The following TXLNB variants were observed in gnomAD, a reference collection of about 807,000 sequenced individuals.
TXLNB encodes the protein beta-taxilin.
A neutral mutation model predicts 57.4 loss-of-function variants in TXLNB; 37 were observed. The ratio of observed to expected loss-of-function variants is 0.64; its 90% CI spans 0.50 to 0.85. The LOEUF is 0.85. Among genes scored for constraint, TXLNB ranks in the 40% least tolerant of loss-of-function variants. The pLI, the probability that TXLNB is intolerant of heterozygous loss-of-function variation, is 0.00. For missense variants in TXLNB, 848 were observed against 825.6 expected, an observed-to-expected ratio of 1.03 and a Z score of -0.33; for synonymous variants, 302 against 309.6, an observed-to-expected ratio of 0.98 and a Z score of 0.26.
chr6:139,218,214 C>G, the TXLNB span, among the ~76,000 whole-genome samples: 2 of 152,090 alleles, frequency 1.3e-5, no homozygotes, highest in South Asian at 4.1e-4. Context: ...CTTACATAAG[C>G]AAGTACAAGT....
the TXLNB span, among the ~76,000 whole-genome samples, chr6:139,321,633 CTT>C: frequency 4.7e-5 from 4 of 84,344 alleles, no homozygotes; most frequent in Admixed American, 2.7e-4. Flanking sequence ...ACTACTCTCT[CTT>C]TTTTTTTTTT....
chr6:139,237,459 C>T (rs867908445), downstream of TXLNB: 2 of 146,578 alleles, frequency 1.4e-5, no homozygotes, highest in Non-Finnish European at 3.0e-5. Context: ...GAGTCAAGAT[C>T]GTACTACTGC....
At chr6:139,289,895 C>T (rs983030631) in intron 1 of TXLNB, among the ~76,000 whole-genome samples, 1 of 152,110 alleles carries the variant, frequency 6.6e-6, no homozygotes, top group African/African-American at 2.4e-5. Context: ...TCTATTTGAT[C>T]CATAAATCAA....
downstream of TXLNB, among the ~76,000 whole-genome samples, chr6:139,235,168 C>T (rs566399661): frequency 4.1e-4 from 62 of 152,232 alleles, no homozygotes; most frequent in African/African-American, 1.5e-3. Context: ...TGTTTTCACA[C>T]CCAAATGTTG....
chr6:139,168,704 G>A, the TXLNB span, among the ~76,000 whole-genome samples: 3 of 151,110 alleles, frequency 2.0e-5, no homozygotes, highest in African/African-American at 4.9e-5. Context: ...TTTTTTTCTC[G>A]GTTTATTCTC....
At chr6:139,165,494 A>T in the TXLNB span, among the ~76,000 whole-genome samples, 1 of 151,954 alleles carries the variant, frequency 6.6e-6, no homozygotes. Flanking sequence ...AATGACGTGT[A>T]TCTGCCATTA....
the TXLNB span, among the ~76,000 whole-genome samples, chr6:139,301,527 T>C: frequency 2.0e-4 from 30 of 152,314 alleles, no homozygotes; most frequent in African/African-American, 7.2e-4. Flanking sequence ...CCAGGAAATC[T>C]TCTATAGATG....
At chr6:139,312,578 T>C in the TXLNB span, among the ~76,000 whole-genome samples, 1 of 152,154 alleles carries the variant, frequency 6.6e-6, no homozygotes, top group Non-Finnish European at 1.5e-5. Flanking sequence ...CTGCATGATA[T>C]AGACTGAGGG....
intron 7 of TXLNB, among the ~76,000 whole-genome samples, chr6:139,254,315 T>TGTGTG: frequency 6.7e-6 from 1 of 150,122 alleles, no homozygotes; most frequent in Non-Finnish European, 1.5e-5. Context: ...TGAACACGAT[T>TGTGTG]TGTGTGTGTG....
At position 139,281,539 on chromosome 6, in the gene TXLNB, CTTTTTTTTTT is replaced by C. The variant is rs745650982; in HGVS notation, c.425-4628_425-4619del. On this transcript the variant is annotated intron_variant, in intron 2 of 9. Coordinates refer to ENST00000358430, the MANE Select transcript of TXLNB (RefSeq NM_153235.4). ...TCAGTAGGAGAGTGGATCTGGAGTT[CTTTTTTTTTT>C]TTTTTTTTTTTTTTTTTGAGACGGA... is the stretch of plus-strand genomic sequence containing the variant. 7.0e-5 allele frequency among the ~76,000 whole-genome samples: 4 copies of C among 57,448 alleles called. 1 individual carries two copies. The highest frequency in any genetic ancestry group is 5.4e-4 in the African/African-American group (4 of 7,368). 37.7% of individuals were successfully genotyped at this position (57,448 alleles called of 152,430 possible).
chr6:139,270,782 C>T (rs1776742353), intron 3 of TXLNB, among the ~76,000 whole-genome samples, 156 bp from the exon 4 acceptor site: 1 of 152,100 alleles, frequency 6.6e-6, no homozygotes, highest in South Asian at 2.1e-4. Flanking sequence ...ACAAACGTCA[C>T]CTTTGTAGTA....
the TXLNB span, among the ~76,000 whole-genome samples, chr6:139,196,123 A>G: frequency 6.6e-6 from 1 of 152,156 alleles, no homozygotes; most frequent in Non-Finnish European, 1.5e-5. Flanking sequence ...AAGACAAAAA[A>G]GGAAAGGAAT....
In TXLNB at chr6:139,282,406, G is replaced by A. The variant is rs1410573755; in HGVS notation, c.425-5485C>T. ...AGTCTGGCCAACACAGTGAAACCCCGTCTCTACTAAAAATATAAAAATTGG... is the reference window on the plus strand; with the variant it reads ...AGTCTGGCCAACACAGTGAAACCCCATCTCTACTAAAAATATAAAAATTGG... On this transcript the variant is annotated intron_variant, in intron 2 of 9. Coordinates refer to ENST00000358430, the MANE Select transcript of TXLNB (RefSeq NM_153235.4). Among the ~76,000 whole-genome samples the A allele has an allele frequency of 7.6e-5, 11 of 144,366 alleles. 1 individual carries two copies. The highest frequency in any genetic ancestry group is 1.4e-4 in the Non-Finnish European group (9 of 65,098). The allele number at this position is 144,366 out of a possible 152,430, so 94.7% of individuals were successfully genotyped here. A position where few individuals can be genotyped will look rare whatever the true frequency, so the allele number is the denominator to read the frequency against.
At chr6:139,238,194 G>A (rs1203736395), downstream of TXLNB, among the ~76,000 whole-genome samples, 1 of 152,150 alleles carries the variant, frequency 6.6e-6, no homozygotes, top group East Asian at 1.9e-4. Flanking sequence ...AGGAGTTTGA[G>A]ACCAGTCTGG....
chr6:139,222,426 C>G, the TXLNB span, among the ~76,000 whole-genome samples: 6 of 152,038 alleles, frequency 3.9e-5, no homozygotes, highest in African/African-American at 1.5e-4. Flanking sequence ...ATAAAGTGGC[C>G]AATCCAACAT....
chr6:139,281,317 C>A (rs576572339), intron 2 of TXLNB, among the ~76,000 whole-genome samples: 3 of 152,118 alleles, frequency 2.0e-5, no homozygotes, highest in Non-Finnish European at 2.9e-5. Flanking sequence ...TACAAAGGTT[C>A]TCTTACTCCT....
At chr6:139,226,604 A>G in the TXLNB span, among the ~76,000 whole-genome samples, 2 of 152,218 alleles carry the variant, frequency 1.3e-5, no homozygotes, top group Non-Finnish European at 2.9e-5. Flanking sequence ...AACAAGAAAA[A>G]ACAGATAAAC....
intron 6 of TXLNB, 43 bp from the exon 7 acceptor site, chr6:139,255,681 T>G (rs1488040461): frequency 1.3e-6 from 2 of 1,498,724 alleles, no homozygotes; most frequent in Admixed American, 3.4e-5. Flanking sequence ...CAGATTTGCC[T>G]TTTAGATTAC....
chr6:139,174,466 G>A, the TXLNB span: 53 of 1,613,874 alleles, frequency 3.3e-5, 1 homozygote, highest in South Asian at 4.4e-5. Flanking sequence ...TGTAAGTCAC[G>A]GTGGGATGGC....
Sources: allele counts gnomAD v4.1 joint callset (sites outside exome capture counted in the v4.1 genomes callset), GRCh38; gene constraint gnomAD v4.1.1; transcripts MANE v1.5; gene names NCBI Gene and HGNC (gene_info 2026-07-23, HGNC 2026-07-21).